The following RPS6KC1 variants were observed in gnomAD, a reference collection of about 807,000 sequenced individuals.
RPS6KC1 encodes the protein inactive ribosomal protein S6 kinase delta-1.
In RPS6KC1, 54 loss-of-function variants were observed where a neutral mutation model predicts 103.8. That is an observed-to-expected ratio of 0.52 (90% confidence interval 0.42 to 0.65). The LOEUF (loss-of-function observed/expected upper bound fraction) is 0.65, where lower values mean the gene tolerates loss of function less well. Among genes scored for constraint, RPS6KC1 ranks in the 30% least tolerant of loss-of-function variants. The pLI, the probability that RPS6KC1 is intolerant of heterozygous loss-of-function variation, is 0.00. For synonymous variants in RPS6KC1, 439 were observed against 438.7 expected, an observed-to-expected ratio of 1.00 and a Z score of -0.01; for missense variants, 1,151 against 1,253.8, an observed-to-expected ratio of 0.92 and a Z score of 1.24.
chr1:213,062,995 A>G lies in RPS6KC1; in HGVS notation c.106-8011A>G, dbSNP rs1394153932. On this transcript the variant is annotated intron_variant, in intron 1 of 14. Coordinates refer to ENST00000366960, the MANE Select transcript of RPS6KC1 (RefSeq NM_012424.6). The stretch of plus-strand genomic sequence containing the variant: ...GATTATTATGGAACTGACCTAGGCC[A>G]AGCCTCACAGTCTGATCTTTGTTTT... Among the ~76,000 whole-genome samples the G allele has an allele frequency of 2.0e-5, 3 of 152,232 alleles. No individual in the cohort carries two copies. In the East Asian group the frequency reaches 5.8e-4, roughly 29 times the overall value.
the RPS6KC1 span, among the ~76,000 whole-genome samples, chr1:213,770,819 T>C: frequency 6.6e-6 from 1 of 152,230 alleles, no homozygotes; most frequent in Admixed American, 6.5e-5. Flanking sequence ...ATAAAGACAG[T>C]GCCTAATAGG....
chr1:213,634,653 C>T, the RPS6KC1 span, among the ~76,000 whole-genome samples: 1 of 152,174 alleles, frequency 6.6e-6, no homozygotes, highest in South Asian at 2.1e-4. Flanking sequence ...AACACCCTAA[C>T]ATCACAATTA....
chr1:213,453,749 C>T, the RPS6KC1 span, among the ~76,000 whole-genome samples: 83 of 152,238 alleles, frequency 5.5e-4, no homozygotes, highest in Middle Eastern at 3.4e-3. Flanking sequence ...AACTGAAGGA[C>T]TGAGAATGGG....
At chr1:213,817,997 G>C in the RPS6KC1 span, 1 of 152,118 alleles carries the variant, frequency 6.6e-6, no homozygotes, top group Non-Finnish European at 1.5e-5. Flanking sequence ...CTTTGATCTT[G>C]TTATTGTAAT....
chr1:213,527,596 A>T, the RPS6KC1 span, among the ~76,000 whole-genome samples: 1 of 152,196 alleles, frequency 6.6e-6, no homozygotes, highest in Non-Finnish European at 1.5e-5. Flanking sequence ...AAGAAACTGA[A>T]CAAAATTCCC....
chr1:213,452,608 T>A, the RPS6KC1 span, among the ~76,000 whole-genome samples: 1 of 152,174 alleles, frequency 6.6e-6, no homozygotes, highest in South Asian at 2.1e-4. Context: ...AATTAGTTTC[T>A]CATGGACCTG....
downstream of RPS6KC1, among the ~76,000 whole-genome samples, chr1:213,277,709 T>A (rs2095114840): frequency 6.6e-6 from 1 of 152,226 alleles, no homozygotes; most frequent in African/African-American, 2.4e-5. Context: ...AGACAGCTGG[T>A]ACAACTGGTA....
At chr1:213,847,075 G>T in the RPS6KC1 span, among the ~76,000 whole-genome samples, 1 of 152,120 alleles carries the variant, frequency 6.6e-6, no homozygotes, top group Non-Finnish European at 1.5e-5. Context: ...TTATTATTAT[G>T]TCATGCATTC....
chr1:213,515,701 T>C, the RPS6KC1 span, among the ~76,000 whole-genome samples: 1 of 152,342 alleles, frequency 6.6e-6, no homozygotes, highest in African/African-American at 2.4e-5. Flanking sequence ...TAGGATTGAC[T>C]TGGCAATGCG....
intron 2 of RPS6KC1, among the ~76,000 whole-genome samples, chr1:213,076,960 C>G (rs1049939790): frequency 2.6e-5 from 4 of 151,808 alleles, no homozygotes; most frequent in African/African-American, 9.7e-5. Flanking sequence ...ACCTCTGTCT[C>G]CTGGGTTTAA....
chr1:213,453,975 G>A, the RPS6KC1 span, among the ~76,000 whole-genome samples: 1 of 152,132 alleles, frequency 6.6e-6, no homozygotes, highest in South Asian at 2.1e-4. Context: ...TATTGAAAAA[G>A]CTTTGTCAAA....
chr1:213,414,117 G>T, the RPS6KC1 span, among the ~76,000 whole-genome samples: 1 of 152,146 alleles, frequency 6.6e-6, no homozygotes, highest in African/African-American at 2.4e-5. Context: ...AGGTGGGGAT[G>T]GGGGAAGGTG....
the RPS6KC1 span, among the ~76,000 whole-genome samples, chr1:213,573,175 C>T: frequency 2.0e-5 from 3 of 152,136 alleles, no homozygotes; most frequent in Non-Finnish European, 2.9e-5. Flanking sequence ...GCTAGGGTTC[C>T]GTCAATAAGA....
At chr1:213,227,068 T>C (rs577568894) in intron 8 of RPS6KC1, among the ~76,000 whole-genome samples, 1 of 152,344 alleles carries the variant, frequency 6.6e-6, no homozygotes, top group East Asian at 1.9e-4. Context: ...TTTATGCTTA[T>C]TTCCTTATCT....
chr1:213,852,039 C>A, the RPS6KC1 span, among the ~76,000 whole-genome samples: 6 of 152,130 alleles, frequency 3.9e-5, no homozygotes, highest in African/African-American at 1.2e-4. Flanking sequence ...GCTTTCTTTC[C>A]CACATACTGC....
At chr1:213,347,892 G>A in the RPS6KC1 span, among the ~76,000 whole-genome samples, 1 of 152,156 alleles carries the variant, frequency 6.6e-6, no homozygotes, top group Non-Finnish European at 1.5e-5. Context: ...CATATCACCA[G>A]TATGGCAATA....
At chr1:213,360,052 G>C in the RPS6KC1 span, among the ~76,000 whole-genome samples, 108 of 152,218 alleles carry the variant, frequency 7.1e-4, 1 homozygote, top group Admixed American at 2.9e-3. Context: ...TGCTGTTCTC[G>C]AGGAGTATCT....
intron 2 of RPS6KC1, among the ~76,000 whole-genome samples, chr1:213,074,680 G>A (rs1234601067): frequency 6.6e-6 from 1 of 151,888 alleles, no homozygotes; most frequent in African/African-American, 2.4e-5. Flanking sequence ...TTAGGGCATG[G>A]TGAAGAAACA....
intron 6 of RPS6KC1, among the ~76,000 whole-genome samples, chr1:213,137,811 T>TTTTTTC (rs2086546797): frequency 8.5e-6 from 1 of 117,284 alleles, no homozygotes. Flanking sequence ...TTTTTTTTTT[T>TTTTTTC]TTTTTTTTTT....
Sources: allele counts gnomAD v4.1 joint callset (sites outside exome capture counted in the v4.1 genomes callset), GRCh38; gene constraint gnomAD v4.1.1; transcripts MANE v1.5; gene names NCBI Gene and HGNC (gene_info 2026-07-23, HGNC 2026-07-21).